Variants in P2RY14 observed in about 807,000 individuals in gnomAD.
P2RY14 encodes the protein P2Y purinoceptor 14.
P2RY14 carries 2 observed loss-of-function variants against 0.9 expected under a neutral mutation model. That is an observed-to-expected ratio of 2.16 (90% CI 0.88 to 6.79). The LOEUF is 6.79. Ranked by LOEUF, P2RY14 falls within the 30% of genes most tolerant of loss-of-function variation. The pLI is 0.05. For missense variants in P2RY14, 378 were observed against 400.1 expected (o/e 0.94, Z 0.47); for synonymous variants, 158 against 147.2 (o/e 1.07, Z -0.53).
chr3:151,219,658 C>CA lies in P2RY14; in HGVS notation c.-132-17dup, dbSNP rs1315790305. The CA allele has an allele frequency of 6.6e-6, 1 of 152,046 alleles. No individual in the cohort carries two copies. Among genetic ancestry groups the CA allele is most frequent in the Admixed American group, 6.5e-5 (1 of 15,272 alleles). The allele number at this position is 152,046 out of a possible 1,614,324, so 9.4% of individuals were successfully genotyped here. On this transcript the variant is annotated splice_polypyrimidine_tract_variant and intron_variant, in intron 1 of 2. Transcript: ENST00000309170. ...ATTAAAGATCCTGCATTACACAAAA[C>CA]AAAAAACCAAAGATTTAAGTGAGCA...
At chr3:151,243,134 G>A (rs1023968992) in intron 1 of P2RY14, among the ~76,000 whole-genome samples, 17 of 152,082 alleles carry the variant, frequency 1.1e-4, no homozygotes, top group Non-Finnish European at 2.2e-4. Flanking sequence ...CCAAATCTAT[G>A]TCTGCTTGGT....
intron 1 of P2RY14, among the ~76,000 whole-genome samples, chr3:151,237,353 T>TTTC (rs1553753085): frequency 3.9e-5 from 5 of 127,096 alleles, no homozygotes; most frequent in South Asian, 2.6e-4. Context: ...TTTTTTTCTT[T>TTTC]TTTTTTTTTT....
At chr3:151,254,903 A>T (rs1052907860) in intron 1 of P2RY14, among the ~76,000 whole-genome samples, 1 of 152,184 alleles carries the variant, frequency 6.6e-6, no homozygotes. Flanking sequence ...TGTGTTTTTC[A>T]TTCTTGTCGG....
At chr3:151,242,062 C>T (rs538090184) in intron 1 of P2RY14, among the ~76,000 whole-genome samples, 15 of 152,308 alleles carry the variant, frequency 9.8e-5, no homozygotes, top group East Asian at 3.9e-4. Context: ...TGCGCTTTTC[C>T]GACGGGCTTA....
intron 1 of P2RY14, among the ~76,000 whole-genome samples, chr3:151,254,537 A>G (rs1425671393): frequency 2.0e-5 from 3 of 152,176 alleles, no homozygotes; most frequent in Non-Finnish European, 4.4e-5. Context: ...GTTAGCTGTT[A>G]TTATTTCAAT....
intron 2 of P2RY14, among the ~76,000 whole-genome samples, chr3:151,216,981 C>T (rs985491830): frequency 6.6e-6 from 1 of 152,136 alleles, no homozygotes; most frequent in Non-Finnish European, 1.5e-5. Context: ...GCCACACAAC[C>T]CCCCAGCGCC....
At chr3:151,235,490 G>C (rs1469160932) in intron 1 of P2RY14, among the ~76,000 whole-genome samples, 1 of 152,134 alleles carries the variant, frequency 6.6e-6, no homozygotes, top group Non-Finnish European at 1.5e-5. Context: ...CAGATCATGA[G>C]GTCAGGAGAT....
At chr3:151,230,618 T>C (rs1731479185) in intron 1 of P2RY14, among the ~76,000 whole-genome samples, 1 of 152,118 alleles carries the variant, frequency 6.6e-6, no homozygotes, top group Non-Finnish European at 1.5e-5. Context: ...AATGTTTCTT[T>C]GAACTCTATG....
intron 2 of P2RY14, among the ~76,000 whole-genome samples, chr3:151,215,453 CTTAAAT>C (rs892313239): frequency 7.9e-5 from 12 of 152,222 alleles, no homozygotes; most frequent in African/African-American, 2.9e-4. Context: ...TATTATTACT[CTTAAAT>C]TTAACTTAAT....
intron 1 of P2RY14, among the ~76,000 whole-genome samples, chr3:151,226,994 C>T (rs1730629593): frequency 1.3e-5 from 2 of 152,204 alleles, no homozygotes; most frequent in South Asian, 2.1e-4. Context: ...GCCCCTGGCA[C>T]AAGGAGAGCT....
At chr3:151,258,442 A>T (rs1183467285) in intron 1 of P2RY14, among the ~76,000 whole-genome samples, 1 of 152,292 alleles carries the variant, frequency 6.6e-6, no homozygotes, top group East Asian at 1.9e-4. Flanking sequence ...GATTCATGAA[A>T]TGCTATCTGA....
intron 1 of P2RY14, among the ~76,000 whole-genome samples, chr3:151,263,622 T>C (rs1246257885): frequency 6.6e-6 from 1 of 152,224 alleles, no homozygotes; most frequent in Non-Finnish European, 1.5e-5. Context: ...TTTAAATTTT[T>C]TAAGTGTTAT....
intron 1 of P2RY14, among the ~76,000 whole-genome samples, chr3:151,248,595 T>G (rs1386819266): frequency 2.0e-5 from 3 of 152,168 alleles, no homozygotes; most frequent in Non-Finnish European, 4.4e-5. Flanking sequence ...ATAATAAGTA[T>G]TTTTAAAATA....
intron 1 of P2RY14, among the ~76,000 whole-genome samples, chr3:151,246,454 A>G (rs1420320359): frequency 2.0e-5 from 3 of 152,106 alleles, no homozygotes; most frequent in Non-Finnish European, 1.5e-5. Flanking sequence ...CAGAGCCCTC[A>G]GAAATAACGC....
intron 1 of P2RY14, among the ~76,000 whole-genome samples, chr3:151,267,639 A>G (rs1577181400): frequency 6.6e-6 from 1 of 152,212 alleles, no homozygotes; most frequent in Non-Finnish European, 1.5e-5. Context: ...TTCAGGCTAT[A>G]GAAAATGTCT....
At chr3:151,247,009 A>T (rs1338023427) in intron 1 of P2RY14, among the ~76,000 whole-genome samples, 1 of 152,232 alleles carries the variant, frequency 6.6e-6, no homozygotes. Context: ...GCCAAAAAAC[A>T]CATGAAAAAA....
At chr3:151,229,962 T>G (rs1731306853) in intron 1 of P2RY14, among the ~76,000 whole-genome samples, 3 of 151,886 alleles carry the variant, frequency 2.0e-5, no homozygotes, top group South Asian at 4.1e-4. Context: ...TTGGGATCTG[T>G]TTTTTTGTTT....
rs772857114 is a variant in P2RY14, at chr3:151,213,726, A to C, written c.591T>G (p.Ile197Met). Residue 197 changes from isoleucine (I) to methionine (M), a missense_variant, in exon 3 of 3, where the codon ATT becomes ATG. Transcript: ENST00000309170. ...AGAAAACGATTAACAAAAGAAACAC[A>C]ATCCAGAAGATGGCCACGAAGATGT... is the stretch of plus-strand genomic sequence containing the variant. ...SNYIFVAIFW[I>M]VFLLLIVFYT... The C allele has an allele frequency of 6.2e-7, 1 of 1,614,210 alleles. No homozygotes were observed. Among genetic ancestry groups the C allele is most frequent in the East Asian group, 2.2e-5 (1 of 44,892 alleles).
At chr3:151,222,495 G>A (rs965745649) in intron 1 of P2RY14, among the ~76,000 whole-genome samples, 1 of 152,074 alleles carries the variant, frequency 6.6e-6, no homozygotes, top group African/African-American at 2.4e-5. Context: ...ATCTTTCTGT[G>A]CTGTTCTTGT....
Sources: allele counts gnomAD v4.1 joint callset (sites outside exome capture counted in the v4.1 genomes callset), GRCh38; gene constraint gnomAD v4.1.1; transcripts MANE v1.5; gene names NCBI Gene and HGNC (gene_info 2026-07-23, HGNC 2026-07-21).